RUFY2: variants seen among roughly 807,000 people sequenced by gnomAD.
RUFY2 encodes RUN and FYVE domain-containing protein 2.
In RUFY2, 49 loss-of-function variants were observed where a neutral mutation model predicts 94.4. The observed-to-expected ratio is 0.52, with a 90% CI of 0.41 to 0.66. The LOEUF (loss-of-function observed/expected upper bound fraction) is 0.66, where lower values mean the gene tolerates loss of function less well. Among genes scored for constraint, RUFY2 ranks in the 30% least tolerant of loss-of-function variants. The pLI is 0.00. For missense variants in RUFY2, 541 were observed against 692.8 expected (o/e 0.78, Z 2.46); for synonymous variants, 255 against 235.7 (o/e 1.08, Z -0.75).
chr10:68,394,128 C>T lies in RUFY2; in HGVS notation c.531G>A (p.Val177=), dbSNP rs191030779. The stretch of plus-strand genomic sequence containing the variant: ...TCTTTAAATACATAGAAAAATCAAT[C>T]ACTCCAACCTGAAGTAAATAAAGTT... ...KGEDLDSQVG[V]IDFSMYLKNE... The change falls in exon 6 of 18, where the codon GTG becomes GTA. Residue 177 remains valine, a synonymous_variant. Coordinates refer to ENST00000602465, the MANE Select transcript of RUFY2 (RefSeq NM_001330103.2). The T allele has an allele frequency of 1.3e-6, 2 of 1,497,864 alleles. No individual in the cohort carries two copies. Among genetic ancestry groups the T allele is most frequent in the East Asian group, 4.7e-5 (2 of 42,746 alleles). 92.8% of individuals were successfully genotyped at this position (1,497,864 alleles called of 1,614,324 possible). A position where few individuals can be genotyped will look rare whatever the true frequency, so the allele number is the denominator to read the frequency against.
chr10:68,391,419 T>G (rs1589955248), intron 7 of RUFY2, among the ~76,000 whole-genome samples: 1 of 151,452 alleles, frequency 6.6e-6, no homozygotes. Flanking sequence ...GAGCCTGAGG[T>G]GGGAGGATTA....
At chr10:68,405,072 T>C (rs945290543) in intron 1 of RUFY2, among the ~76,000 whole-genome samples, 1 of 151,994 alleles carries the variant, frequency 6.6e-6, no homozygotes, top group Non-Finnish European at 1.5e-5. Flanking sequence ...CCCAGCACTT[T>C]GGGAGGCCAA....
chr10:68,365,866 TACAA>T (rs756076181), intron 13 of RUFY2, among the ~76,000 whole-genome samples: 3 of 152,160 alleles, frequency 2.0e-5, no homozygotes, highest in African/African-American at 2.4e-5. Context: ...CTGTGTATGT[TACAA>T]ACACTGAAGT....
intron 12 of RUFY2, chr10:68,377,429 G>A (rs2048750452): frequency 1.0e-6 from 1 of 997,992 alleles, no homozygotes; most frequent in Non-Finnish European, 1.2e-6. Context: ...ACAAGGCCAA[G>A]AGCAAAGACC....
Position 68,363,571 on chromosome 10 carries a change from G to A in RUFY2, c.1550+19C>T, listed in dbSNP as rs370043058. On this transcript the variant is annotated intron_variant, in intron 15 of 17. Coordinates refer to ENST00000602465, the MANE Select transcript of RUFY2 (RefSeq NM_001330103.2). ...AAAAGTCAATAATGACTACTTAGTT[G>A]AAGGAAAAAAGAAATTACTCGCTAA... 13 of 1,516,716 alleles carry A rather than the reference G, an allele frequency of 8.6e-6. No homozygotes were observed. The African/African-American group carries it at 1.7e-4, about 19-fold the overall frequency. The allele number at this position is 1,516,716 out of a possible 1,614,324, so 94.0% of individuals were successfully genotyped here.
At chr10:68,400,456 C>T (rs1027367093) in intron 3 of RUFY2, among the ~76,000 whole-genome samples, 3 of 151,936 alleles carry the variant, frequency 2.0e-5, no homozygotes, top group East Asian at 3.9e-4. Context: ...GCGGGCGGAT[C>T]ACAAGGTCAG....
In RUFY2 at chr10:68,376,489, T is replaced by TATATATATATATATATATATATATTC. The variant is rs58358117; in HGVS notation, c.1325+363_1325+364insGAATATATATATATATATATATATAT. ...ATATATATATATATATATATATATA[T>TATATATATATATATATATATATATTC]ATTCTCAGAAAACAGCATGTCCTTT... On this transcript the variant is annotated intron_variant, in intron 13 of 17. Coordinates refer to ENST00000602465, the MANE Select transcript of RUFY2 (RefSeq NM_001330103.2). 3.5e-4 allele frequency among the ~76,000 whole-genome samples: 18 copies of TATATATATATATATATATATATATTC among 51,838 alleles called. 3 individuals carry two copies. Among genetic ancestry groups the TATATATATATATATATATATATATTC allele is most frequent in the African/African-American group, 6.3e-4 (11 of 17,444 alleles). The allele number at this position is 51,838 out of a possible 152,430, so 34.0% of individuals were successfully genotyped here. A position where few individuals can be genotyped will look rare whatever the true frequency, so the allele number is the denominator to read the frequency against.
chr10:68,353,712 C>T (rs1177898543), intron 16 of RUFY2, among the ~76,000 whole-genome samples: 1 of 151,762 alleles, frequency 6.6e-6, no homozygotes, highest in Non-Finnish European at 1.5e-5. Flanking sequence ...GGCAAGAGGA[C>T]AGCTTGAGCC....
intron 7 of RUFY2, 56 bp from the exon 8 acceptor site, chr10:68,386,184 GA>G: frequency 7.3e-7 from 1 of 1,364,558 alleles, no homozygotes; most frequent in Non-Finnish European, 1.0e-6. Flanking sequence ...AAAAAGGCAC[GA>G]AAAAATATGT....
In RUFY2 at chr10:68,379,999, A is replaced by G. The variant is rs183434180; in HGVS notation, c.1108-478T>C. Among the ~76,000 whole-genome samples the G allele has an allele frequency of 6.6e-4, 101 of 152,128 alleles. No individual in the cohort carries two copies. The East Asian group carries it at 0.018, about 28-fold the overall frequency. On this transcript the variant is annotated intron_variant, in intron 11 of 17. Transcript: ENST00000602465. ...ATTTTTTTGTATTCTTAGTAGAGAC[A>G]GGGTTTCACTGTGTTAGTCAGGATG... is the stretch of plus-strand genomic sequence containing the variant.
At chr10:68,400,991 C>T (rs147243226) in intron 3 of RUFY2, among the ~76,000 whole-genome samples, 2,385 of 150,392 alleles carry the variant, frequency 0.016, 35 homozygotes, top group Non-Finnish European at 0.027. Context: ...CCAGCCTGGG[C>T]GACAGAGCGA....
intron 11 of RUFY2, 99 bp downstream of exon 11, chr10:68,381,131 GCA>G: frequency 1.3e-6 from 1 of 767,828 alleles, no homozygotes. Context: ...TTATAATATT[GCA>G]CAGTTAAAAT....
chr10:68,367,255 CA>C (rs1424135031), intron 13 of RUFY2, among the ~76,000 whole-genome samples: 1 of 152,072 alleles, frequency 6.6e-6, no homozygotes, highest in Non-Finnish European at 1.5e-5. Context: ...AATTCAGTAA[CA>C]GAGTACCAGA....
At position 68,384,039 on chromosome 10, in the gene RUFY2, G is replaced by A; in HGVS notation, c.822+12C>T. ...ACACGAGATTGTCTGCTTGAAAGCAGTCTATACTTACCTCTAGGTGCTGCT... is the reference window on the plus strand; with the variant it reads ...ACACGAGATTGTCTGCTTGAAAGCAATCTATACTTACCTCTAGGTGCTGCT... On this transcript the variant is annotated intron_variant, in intron 9 of 17. Transcript: ENST00000602465. The A allele has an allele frequency of 6.2e-7, 1 of 1,607,534 alleles. No homozygotes were observed. Among genetic ancestry groups the A allele is most frequent in the South Asian group, 1.1e-5 (1 of 90,528 alleles).
chr10:68,393,822 T>C (rs945962936), intron 6 of RUFY2: 1 of 553,640 alleles, frequency 1.8e-6, no homozygotes, highest in African/African-American at 2.1e-5. Context: ...AAAAAACCAC[T>C]ATTAAAATGG....
chr10:68,396,735 T>C, intron 4 of RUFY2, 45 bp downstream of exon 4: 2 of 1,250,150 alleles, frequency 1.6e-6, no homozygotes, highest in South Asian at 1.3e-5. Context: ...AGACAGCATA[T>C]AAATAAAATA....
At position 68,345,792 on chromosome 10, in the gene RUFY2, C is replaced by CTGAA; in HGVS notation, c.1793_1796dup (p.Gln599HisfsTer7). ...CTCAGGGCAAGTTAGATGAGCATCT[C>CTGAA]TGAATGAGCAGTGCATGACAGGAAT... On this transcript the variant is annotated frameshift_variant, in exon 18 of 18. Coordinates refer to ENST00000602465, the MANE Select transcript of RUFY2 (RefSeq NM_001330103.2). LOFTEE classifies it high-confidence loss of function. The CTGAA allele has an allele frequency of 6.2e-7, 1 of 1,613,552 alleles. No individual in the cohort carries two copies. Among genetic ancestry groups the CTGAA allele is most frequent in the Non-Finnish European group, 8.5e-7 (1 of 1,179,720 alleles).
chr10:68,374,399 CAA>C (rs1040334394), intron 13 of RUFY2, among the ~76,000 whole-genome samples: 1 of 150,394 alleles, frequency 6.6e-6, no homozygotes, highest in Non-Finnish European at 1.5e-5. Context: ...AACTTCAGAG[CAA>C]AAAAAAATTA....
At chr10:68,364,718 GTTC>G (rs1045620167) in intron 13 of RUFY2, among the ~76,000 whole-genome samples, 2 of 150,808 alleles carry the variant, frequency 1.3e-5, no homozygotes, top group Non-Finnish European at 2.9e-5. Flanking sequence ...TTCCTGCATT[GTTC>G]TTCTTTTTTT....
Sources: allele counts gnomAD v4.1 joint callset (sites outside exome capture counted in the v4.1 genomes callset), GRCh38; gene constraint gnomAD v4.1.1; transcripts MANE v1.5; gene names NCBI Gene and HGNC (gene_info 2026-07-23, HGNC 2026-07-21).